The following ANTXR1 variants were observed in gnomAD, a reference collection of about 807,000 sequenced individuals.
ANTXR1 encodes the protein anthrax toxin receptor 1.
In ANTXR1, 19 loss-of-function variants were observed where a neutral mutation model predicts 78.1. The observed-to-expected ratio is 0.24, with a 90% CI of 0.17 to 0.36. The LOEUF (loss-of-function observed/expected upper bound fraction) is 0.36. Ranked by LOEUF, ANTXR1 falls within the 10% of genes least tolerant of loss-of-function variation. ANTXR1 has a pLI of 1.00. For synonymous variants in ANTXR1, 273 were observed against 260.5 expected (o/e 1.05, Z -0.46); for missense variants, 518 against 718.6 (o/e 0.72, Z 3.19).
Position 69,013,728 on chromosome 2 carries a change from C to T in ANTXR1, c.152+77C>T. On this transcript the variant is annotated intron_variant, in intron 1 of 17. Transcript: ENST00000303714. The surrounding 1 kb of genome is among the most constrained non-coding windows in gnomAD (Gnocchi z 5.0). ...TTTCGCCCCGGGCCGGGCTCGTTGG[C>T]AGGGTCGCCTGGGGACAGGAGCGCA... 1 of 1,549,410 alleles carries T rather than the reference C, an allele frequency of 6.5e-7. No homozygotes were observed. The highest frequency in any genetic ancestry group is 8.7e-7 in the Non-Finnish European group (1 of 1,145,512).
Position 69,161,765 on chromosome 2 carries a change from C to T in ANTXR1, c.1048-8483C>T, listed in dbSNP as rs78570134. Among the ~76,000 whole-genome samples the T allele has an allele frequency of 0.011, 1,637 of 152,254 alleles. 53 individuals are homozygous for T. The East Asian group carries it at 0.13, about 12-fold the overall frequency. On this transcript the variant is annotated intron_variant, in intron 13 of 17. Transcript: ENST00000303714. ...AGCAAGCATCTCCTTCTAGCTGTGA[C>T]ATTAAAGCCCTTATTAGATGGCTTT...
intron 17 of ANTXR1, among the ~76,000 whole-genome samples, chr2:69,201,691 G>A (rs1380596815): frequency 3.9e-5 from 6 of 152,118 alleles, no homozygotes; most frequent in Non-Finnish European, 7.4e-5. Flanking sequence ...TGGGTGTAGA[G>A]GATGAGAGGG....
At chr2:69,147,985 C>T (rs552954334) in intron 12 of ANTXR1, among the ~76,000 whole-genome samples, 40 of 152,254 alleles carry the variant, frequency 2.6e-4, no homozygotes, top group Non-Finnish European at 5.0e-4. Flanking sequence ...AGAGTGACCT[C>T]GGGAAATGAC....
chr2:69,142,368 C>T (rs1229813030), intron 12 of ANTXR1, among the ~76,000 whole-genome samples: 1 of 152,246 alleles, frequency 6.6e-6, no homozygotes, highest in Non-Finnish European at 1.5e-5. Flanking sequence ...CTATGTCTCA[C>T]AGGTACAAAT....
At chr2:69,071,145 C>T (rs116019771) in intron 4 of ANTXR1, among the ~76,000 whole-genome samples, 158 of 152,084 alleles carry the variant, frequency 1.0e-3, no homozygotes, top group Non-Finnish European at 1.7e-3. Context: ...TTAACAAGTA[C>T]TAGGCCATAA....
chr2:69,021,197 C>G (rs1020910196), intron 1 of ANTXR1, among the ~76,000 whole-genome samples: 1 of 152,186 alleles, frequency 6.6e-6, no homozygotes, highest in Non-Finnish European at 1.5e-5. Context: ...GTACAGTCAT[C>G]ATTACCATTT....
intron 14 of ANTXR1, among the ~76,000 whole-genome samples, chr2:69,173,958 A>G (rs1674054821): frequency 6.6e-6 from 1 of 152,214 alleles, no homozygotes; most frequent in African/African-American, 2.4e-5. Flanking sequence ...CCTGGGCTGG[A>G]CAGATGACTA....
chr2:69,122,657 C>T (rs891672985), intron 10 of ANTXR1, among the ~76,000 whole-genome samples: 1 of 152,116 alleles, frequency 6.6e-6, no homozygotes, highest in Non-Finnish European at 1.5e-5. Flanking sequence ...AGGTTTGTTA[C>T]ATATGTATAC....
At chr2:69,044,084 T>C (rs1269682511) in intron 2 of ANTXR1, among the ~76,000 whole-genome samples, 2 of 152,036 alleles carry the variant, frequency 1.3e-5, no homozygotes, top group African/African-American at 4.8e-5. Flanking sequence ...GTCTCCAGAG[T>C]GTGACTCTTA....
At chr2:69,239,804 T>A (rs965910371) in intron 17 of ANTXR1, among the ~76,000 whole-genome samples, 1 of 152,196 alleles carries the variant, frequency 6.6e-6, no homozygotes, top group African/African-American at 2.4e-5. Flanking sequence ...AGACCATCAA[T>A]GCCTGGAGTT....
At chr2:69,073,527 C>T (rs1397278967) in intron 6 of ANTXR1, among the ~76,000 whole-genome samples, 3 of 152,194 alleles carry the variant, frequency 2.0e-5, no homozygotes, top group Non-Finnish European at 4.4e-5. Context: ...GTATCAATCA[C>T]TGAGATTTTC....
intron 17 of ANTXR1, among the ~76,000 whole-genome samples, chr2:69,201,653 G>A (rs908037379): frequency 6.6e-6 from 1 of 152,194 alleles, no homozygotes; most frequent in Non-Finnish European, 1.5e-5. Context: ...AAGATATTGA[G>A]CAAATAATCA....
rs968529582 is a variant in ANTXR1 at position 69,038,862 on chromosome 2, T to C, written c.153-1182T>C. On this transcript the variant is annotated intron_variant, in intron 1 of 17. Transcript: ENST00000303714. ...TGGGACAAAGAAAAATAAATTGCCC[T>C]CCTGGAAATGGAATACACCCGATCA... 3.3e-5 allele frequency among the ~76,000 whole-genome samples: 5 copies of C among 152,252 alleles called. No individual in the cohort carries two copies. The South Asian group carries it at 1.0e-3, about 32-fold the overall frequency.
At chr2:69,151,352 T>A (rs1673390589) in intron 12 of ANTXR1, among the ~76,000 whole-genome samples, 1 of 152,134 alleles carries the variant, frequency 6.6e-6, no homozygotes, top group Non-Finnish European at 1.5e-5. Flanking sequence ...AAAGATTTGC[T>A]GATTTGCACT....
chr2:69,036,773 A>T (rs1460056737), intron 1 of ANTXR1, among the ~76,000 whole-genome samples: 2 of 152,200 alleles, frequency 1.3e-5, no homozygotes, highest in Non-Finnish European at 2.9e-5. Flanking sequence ...GCAATGGCTT[A>T]TAGGCAGTCA....
intron 17 of ANTXR1, among the ~76,000 whole-genome samples, chr2:69,201,048 G>A (rs1176219862): frequency 3.9e-5 from 6 of 152,170 alleles, no homozygotes; most frequent in Admixed American, 3.9e-4. Context: ...GAGCCAATGA[G>A]CACTGTATTA....
At chr2:69,166,093 A>G (rs1673821080) in intron 13 of ANTXR1, among the ~76,000 whole-genome samples, 1 of 152,228 alleles carries the variant, frequency 6.6e-6, no homozygotes, top group Non-Finnish European at 1.5e-5. Context: ...CTGCATCTCC[A>G]CATCTTCCAT....
At chr2:69,227,893 C>T (rs1169019642) in intron 17 of ANTXR1, among the ~76,000 whole-genome samples, 1 of 152,256 alleles carries the variant, frequency 6.6e-6, no homozygotes, top group Non-Finnish European at 1.5e-5. Context: ...CTAGGTCAAG[C>T]TCAGCATCAT....
At chr2:69,215,486 C>T (rs1212735733) in intron 17 of ANTXR1, among the ~76,000 whole-genome samples, 1 of 152,124 alleles carries the variant, frequency 6.6e-6, no homozygotes, top group African/African-American at 2.4e-5. Context: ...TTTAATTATC[C>T]ACCCATTTAA....
Sources: allele counts gnomAD v4.1 joint callset (sites outside exome capture counted in the v4.1 genomes callset), GRCh38; gene constraint gnomAD v4.1.1; non-coding constraint Gnocchi (gnomAD v3.1); transcripts MANE v1.5; gene names NCBI Gene and HGNC (gene_info 2026-07-23, HGNC 2026-07-21).